Variants in SGPP2 observed in about 807,000 individuals in gnomAD.
SGPP2 encodes the protein sphingosine-1-phosphate phosphatase 2.
SGPP2 carries 30 observed loss-of-function variants against 33.9 expected under a neutral mutation model. The observed-to-expected ratio is 0.89, with a 90% confidence interval of 0.66 to 1.20. The LOEUF is 1.20. Among genes scored for constraint, SGPP2 ranks in the 50% most tolerant of loss-of-function variants. SGPP2 has a pLI of 0.00. For missense variants in SGPP2, 458 were observed against 532.1 expected, an observed-to-expected ratio of 0.86 and a Z score of 1.37; for synonymous variants, 233 against 225.0, an observed-to-expected ratio of 1.04 and a Z score of -0.32.
rs147774661 is a variant in SGPP2 at position 222,429,120 on chromosome 2, A to G, written c.219+4299A>G. On this transcript the variant is annotated intron_variant, in intron 1 of 4. Coordinates refer to ENST00000321276, the MANE Select transcript of SGPP2 (RefSeq NM_152386.4). ...CAGGCTGGGATTACCGCACCCGGCCAAGAACCATGGTTTTCTAACCATGGC... is the reference window on the plus strand; with the variant it reads ...CAGGCTGGGATTACCGCACCCGGCCGAGAACCATGGTTTTCTAACCATGGC... Among the ~76,000 whole-genome samples, 23 of 152,266 alleles carry G rather than the reference A, an allele frequency of 1.5e-4. 1 individual carries two copies. In the East Asian group the frequency reaches 4.4e-3, roughly 29 times the overall value.
At chr2:222,457,939 G>C (rs1697596458) in intron 1 of SGPP2, among the ~76,000 whole-genome samples, 1 of 152,236 alleles carries the variant, frequency 6.6e-6, no homozygotes, top group Non-Finnish European at 1.5e-5. Flanking sequence ...GGAAGGACAT[G>C]GCTGGAGCAG....
At chr2:222,499,869 CCAGAGGTCCCCAGG>C (rs1419612419) in intron 2 of SGPP2, among the ~76,000 whole-genome samples, 1 of 152,098 alleles carries the variant, frequency 6.6e-6, no homozygotes, top group Non-Finnish European at 1.5e-5. Context: ...ACTGACTAGA[CCAGAGGTCCCCAGG>C]CAGAAGGGCC....
rs1689509579 is a variant in SGPP2, at chr2:222,560,150, G to A, written c.*1252G>A. ...AGTTTTTTGCTTTCATACAAACCTG[G>A]AAGGCACTGGCATCTGCCTAGGAAA... On this transcript the variant is annotated 3_prime_UTR_variant, in exon 5 of 5. Coordinates refer to ENST00000321276, the MANE Select transcript of SGPP2 (RefSeq NM_152386.4). 1.3e-5 allele frequency: 2 copies of A among 152,234 alleles called. No individual in the cohort carries two copies. The highest frequency in any genetic ancestry group is 6.5e-5 in the Admixed American group (1 of 15,278). 9.4% of individuals were successfully genotyped at this position (152,234 alleles called of 1,614,324 possible). A position where few individuals can be genotyped will look rare whatever the true frequency, so the allele number is the denominator to read the frequency against.
In SGPP2 at chr2:222,456,246, A is replaced by G. The variant is rs76611843; in HGVS notation, c.220-18322A>G. Reference sequence around the variant, plus strand: ...CTGATCCTGGAGTAAATAAAAGAAAACTTGGCTGGGATGATGGAGAAAACA... The same window carrying G: ...CTGATCCTGGAGTAAATAAAAGAAAGCTTGGCTGGGATGATGGAGAAAACA... On this transcript the variant is annotated intron_variant, in intron 1 of 4. Transcript: ENST00000321276. Among the ~76,000 whole-genome samples the G allele has an allele frequency of 9.2e-3, 1,397 of 152,254 alleles. 14 individuals are homozygous for G. The highest frequency in any genetic ancestry group is 0.026 in the African/African-American group (1,099 of 41,548).
At chr2:222,537,728 A>G (rs1247116978) in intron 4 of SGPP2, among the ~76,000 whole-genome samples, 2 of 152,242 alleles carry the variant, frequency 1.3e-5, no homozygotes, top group African/African-American at 4.8e-5. Flanking sequence ...GAACAAATAC[A>G]TACAGACACT....
At chr2:222,512,320 A>G (rs72968824) in intron 2 of SGPP2, among the ~76,000 whole-genome samples, 163 of 151,826 alleles carry the variant, frequency 1.1e-3, no homozygotes, top group Non-Finnish European at 1.9e-3. Context: ...CTAAACTTTT[A>G]TTTTTTTTAG....
intron 2 of SGPP2, among the ~76,000 whole-genome samples, chr2:222,521,058 C>T (rs1204047394): frequency 1.3e-5 from 2 of 152,236 alleles, no homozygotes; most frequent in African/African-American, 2.4e-5. Context: ...CTGCACCCAA[C>T]CTGAGTCTTT....
intron 4 of SGPP2, among the ~76,000 whole-genome samples, chr2:222,540,101 G>A (rs1416039232): frequency 6.6e-6 from 1 of 152,188 alleles, no homozygotes; most frequent in Non-Finnish European, 1.5e-5. Context: ...CATATAGGAT[G>A]AGTATACCTT....
intron 1 of SGPP2, among the ~76,000 whole-genome samples, chr2:222,435,202 G>C (rs775789342): frequency 9.9e-5 from 15 of 152,096 alleles, no homozygotes; most frequent in Non-Finnish European, 1.9e-4. Flanking sequence ...GAAGAACTTG[G>C]AGTCTAATGT....
intron 2 of SGPP2, among the ~76,000 whole-genome samples, chr2:222,487,501 G>T (rs1698129768): frequency 6.6e-6 from 1 of 152,158 alleles, no homozygotes. Flanking sequence ...AATACTGGTG[G>T]TGATGCATCT....
chr2:222,515,095 G>T (rs142295988), intron 2 of SGPP2, among the ~76,000 whole-genome samples: 215 of 148,064 alleles, frequency 1.5e-3, no homozygotes, highest in African/African-American at 5.2e-3. Flanking sequence ...TACTGCATCT[G>T]TTACCTGGAT....
intron 2 of SGPP2, among the ~76,000 whole-genome samples, chr2:222,491,041 C>A (rs1019093862): frequency 6.6e-6 from 1 of 152,100 alleles, no homozygotes; most frequent in African/African-American, 2.4e-5. Flanking sequence ...GATTGTACTC[C>A]AGTAATAATT....
intron 1 of SGPP2, among the ~76,000 whole-genome samples, chr2:222,451,987 CA>C (rs752784242): frequency 6.6e-5 from 10 of 152,036 alleles, no homozygotes; most frequent in Non-Finnish European, 1.3e-4. Flanking sequence ...GACTCTTGAG[CA>C]ACATGGATTT....
intron 1 of SGPP2, among the ~76,000 whole-genome samples, chr2:222,472,385 A>G: frequency 6.6e-6 from 1 of 152,024 alleles, no homozygotes; most frequent in African/African-American, 2.4e-5. Flanking sequence ...TCAGCCTCTG[A>G]GTGGGGGCAA....
intron 4 of SGPP2, among the ~76,000 whole-genome samples, chr2:222,531,105 T>G (rs1277522681): frequency 6.6e-6 from 1 of 152,176 alleles, no homozygotes; most frequent in East Asian, 1.9e-4. Flanking sequence ...ATTAGGGTTA[T>G]TAATGGGCCT....
intron 3 of SGPP2, among the ~76,000 whole-genome samples, chr2:222,522,643 G>A (rs1698702981): frequency 6.6e-6 from 1 of 152,016 alleles, no homozygotes; most frequent in Non-Finnish European, 1.5e-5. Context: ...AATTTTATAA[G>A]TGTTATCTTT....
chr2:222,475,307 C>T (rs1697917115), intron 2 of SGPP2, among the ~76,000 whole-genome samples: 1 of 152,146 alleles, frequency 6.6e-6, no homozygotes, highest in Non-Finnish European at 1.5e-5. Context: ...ATGAACACAA[C>T]TTGTTTTATT....
intron 2 of SGPP2, among the ~76,000 whole-genome samples, chr2:222,483,340 GT>G (rs1465142094): frequency 6.6e-6 from 1 of 151,894 alleles, no homozygotes; most frequent in Non-Finnish European, 1.5e-5. Context: ...CAAAGTCCTG[GT>G]GATAAGGAAG....
At chr2:222,519,631 G>C (rs1193828279) in intron 2 of SGPP2, among the ~76,000 whole-genome samples, 1 of 152,204 alleles carries the variant, frequency 6.6e-6, no homozygotes, top group Non-Finnish European at 1.5e-5. Context: ...AGTGCACCCA[G>C]GTAGTGAGCA....
Sources: gnomAD v4.1 joint callset for allele counts (sites outside exome capture counted in the v4.1 genomes callset) on GRCh38, gnomAD v4.1.1 for gene constraint, MANE v1.5 for transcripts, NCBI Gene and HGNC (gene_info 2026-07-23, HGNC 2026-07-21) for gene names.